Variants in ENSA observed in about 807,000 individuals in gnomAD.
ENSA encodes endosulfine alpha.
In ENSA, 7 loss-of-function variants were observed where a neutral mutation model predicts 16.8. The observed-to-expected ratio is 0.42, with a 90% CI of 0.24 to 0.78. The LOEUF is 0.78. Ranked by LOEUF, ENSA falls within the 30% of genes least tolerant of loss-of-function variation. ENSA has a pLI of 0.29. For synonymous variants in ENSA, 58 were observed against 53.4 expected (o/e 1.09, Z -0.37); for missense variants, 87 against 142.3 (o/e 0.61, Z 1.98).
At chr1:150,627,023 C>A (rs1010985235) in intron 2 of ENSA, 1 of 1,173,744 alleles carries the variant, frequency 8.5e-7, no homozygotes, top group Non-Finnish European at 1.1e-6. Context: ...CTGGTGCTCA[C>A]TTCAAGGGTA....
At chr1:150,627,052 T>C in intron 2 of ENSA, 3 of 1,242,106 alleles carry the variant, frequency 2.4e-6, no homozygotes, top group Non-Finnish European at 3.0e-6. Context: ...CTGATTCATT[T>C]CAAGTTGAGG....
In ENSA at chr1:150,627,450, G is replaced by C; in HGVS notation, c.183+17C>G. Reference sequence around the variant, plus strand: ...CTTTAGCTCCAAAGAAAGAGGGTAAGAGACTATGCCCCATACCCCTTTCTG... The same window carrying C: ...CTTTAGCTCCAAAGAAAGAGGGTAACAGACTATGCCCCATACCCCTTTCTG... On this transcript the variant is annotated intron_variant, in intron 2 of 3. Coordinates refer to ENST00000369014, the MANE Select transcript of ENSA (RefSeq NM_004436.4). The C allele has an allele frequency of 3.1e-6, 5 of 1,614,232 alleles. No individual in the cohort carries two copies. Among genetic ancestry groups the C allele is most frequent in the Middle Eastern group, 1.6e-4 (1 of 6,062 alleles).
chr1:150,624,188 A>T, intron 3 of ENSA: 1 of 985,608 alleles, frequency 1.0e-6, no homozygotes, highest in Non-Finnish European at 1.2e-6. Flanking sequence ...TTCATGAGTC[A>T]GCATGGCTAC....
rs762080928 is a variant in ENSA at position 150,629,014 on chromosome 1, T to C, written c.57+400A>G. On this transcript the variant is annotated intron_variant, in intron 1 of 3. Coordinates refer to ENST00000369014, the MANE Select transcript of ENSA (RefSeq NM_004436.4). ...AACGTCTTTACCTCGACCCCTATCT[T>C]TGCGGATTGAGGCTGCGGGCCCCAG... is the stretch of plus-strand genomic sequence containing the variant. 6.2e-6 allele frequency: 10 copies of C among 1,601,278 alleles called. No individual in the cohort carries two copies. In the East Asian group the frequency reaches 1.1e-4, roughly 18 times the overall value.
chr1:150,629,275 A>G lies in ENSA; in HGVS notation c.57+139T>C, dbSNP rs77115129. The G allele has an allele frequency of 4.0e-6, 6 of 1,506,826 alleles. No individual in the cohort carries two copies. In the South Asian group the frequency reaches 6.2e-5, roughly 16 times the overall value. The allele number at this position is 1,506,826 out of a possible 1,614,324, so 93.3% of individuals were successfully genotyped here. A position where few individuals can be genotyped will look rare whatever the true frequency, so the allele number is the denominator to read the frequency against. The stretch of plus-strand genomic sequence containing the variant: ...GCGCCAAAGCAGCATGTCGTGTTGA[A>G]GCTCACCCAGCGTGACGCAAAAAGT... On this transcript the variant is annotated intron_variant, in intron 1 of 3. Transcript: ENST00000369014.
chr1:150,623,407 CTTGT>C (rs906638659), intron 3 of ENSA: 25 of 985,724 alleles, frequency 2.5e-5, no homozygotes, highest in Non-Finnish European at 3.0e-5. Context: ...CAGAATGTAG[CTTGT>C]TTGTTTTCTT....
chr1:150,623,302 TC>T, intron 3 of ENSA: 7 of 991,462 alleles, frequency 7.1e-6, no homozygotes, highest in Non-Finnish European at 8.4e-6. Context: ...GATTTAATAA[TC>T]TAGGTTTAAT....
chr1:150,626,463 G>T, intron 2 of ENSA: 1 of 1,608,592 alleles, frequency 6.2e-7, no homozygotes, highest in Non-Finnish European at 8.5e-7. Flanking sequence ...ATCCTCCACA[G>T]GGATGTTTCA....
Position 150,625,825 on chromosome 1 carries a change from A to T in ENSA, c.184-17T>A. The T allele has an allele frequency of 6.3e-7, 1 of 1,583,660 alleles. No individual in the cohort carries two copies. ...GTACTTTTGCTAAGAGATAAGAGGG[A>T]GGTTTAGGTGAGTGAGGACTCTGGC... is the stretch of plus-strand genomic sequence containing the variant. On this transcript the variant is annotated splice_polypyrimidine_tract_variant and intron_variant, in intron 2 of 3. Transcript: ENST00000369014.
intron 2 of ENSA, among the ~76,000 whole-genome samples, chr1:150,626,293 C>T (rs893673023): frequency 3.3e-5 from 5 of 152,198 alleles, no homozygotes; most frequent in Non-Finnish European, 5.9e-5. Flanking sequence ...GGAATAGAAA[C>T]TGGGCCTGTT....
intron 3 of ENSA, chr1:150,624,036 C>T (rs1346568378): frequency 9.1e-6 from 9 of 985,320 alleles, no homozygotes; most frequent in Non-Finnish European, 1.1e-5. Flanking sequence ...AAGAGGATTA[C>T]AGAATCTTGC....
intron 3 of ENSA, chr1:150,623,834 G>A (rs2101736051): frequency 1.0e-6 from 1 of 985,660 alleles, no homozygotes. Context: ...GGGAGTCCAG[G>A]GATCCTGCTC....
At chr1:150,627,311 C>A (rs772364871) in intron 2 of ENSA, 156 bp downstream of exon 2, 1 of 1,595,764 alleles carries the variant, frequency 6.3e-7, no homozygotes, top group Admixed American at 1.8e-5. Context: ...CAGGGATTTA[C>A]ATTAATTTGA....
intron 3 of ENSA, chr1:150,623,185 G>A: frequency 8.8e-7 from 1 of 1,136,820 alleles, no homozygotes; most frequent in South Asian, 2.8e-5. Flanking sequence ...AGAGCAGGCT[G>A]TTTCAGAGGC....
chr1:150,629,566 G>T lies in ENSA; in HGVS notation c.-96C>A. 6.7e-7 allele frequency: 1 copy of T among 1,485,266 alleles called. No homozygotes were observed. The highest frequency in any genetic ancestry group is 2.3e-5 in the East Asian group (1 of 43,980). The allele number at this position is 1,485,266 out of a possible 1,614,324, so 92.0% of individuals were successfully genotyped here. ...GGGGACAACCTGCGCTGCTGCTTCG[G>T]CTCCTGTCACTAGGGTTGCTCAGTC... On this transcript the variant is annotated 5_prime_UTR_variant, in exon 1 of 4. Transcript: ENST00000369014.
chr1:150,627,401 T>C, intron 2 of ENSA, 66 bp downstream of exon 2: 1 of 1,614,220 alleles, frequency 6.2e-7, no homozygotes, highest in Non-Finnish European at 8.5e-7. Context: ...GTAGAACCTC[T>C]ACAGACTTCA....
intron 1 of ENSA, 150 bp from the exon 2 acceptor site, chr1:150,627,742 T>G: frequency 1.1e-6 from 1 of 875,380 alleles, no homozygotes. Context: ...AGACCTTTGT[T>G]AAAATCCCTA....
At chr1:150,626,896 C>T in intron 2 of ENSA, 2 of 377,482 alleles carry the variant, frequency 5.3e-6, no homozygotes, top group Non-Finnish European at 7.3e-6. Flanking sequence ...CTTTAGGTAC[C>T]TTTGGGAACT....
rs1004900256 is a variant in ENSA at position 150,623,018 on chromosome 1, C to CA, written c.351-160dup. ...CTCAATCCTATCCATAAGGGAGTTG[C>CA]AAAAAAAATCAAAAAATAGAATTTC... On this transcript the variant is annotated intron_variant, in intron 3 of 3. Coordinates refer to ENST00000369014, the MANE Select transcript of ENSA (RefSeq NM_004436.4). 1.1e-4 allele frequency among the ~76,000 whole-genome samples: 17 copies of CA among 151,868 alleles called. 1 individual carries two copies. The highest frequency in any genetic ancestry group is 2.1e-4 in the South Asian group (1 of 4,812).
Sources: allele counts gnomAD v4.1 joint callset (sites outside exome capture counted in the v4.1 genomes callset), GRCh38; gene constraint gnomAD v4.1.1; transcripts MANE v1.5; gene names NCBI Gene and HGNC (gene_info 2026-07-23, HGNC 2026-07-21).